DYNC1I1: variants seen among roughly 807,000 people sequenced by gnomAD.
The protein encoded by DYNC1I1 is dynein cytoplasmic 1 intermediate chain 1, also known as cytoplasmic dynein 1 intermediate chain 1.
A neutral mutation model predicts 86.6 loss-of-function variants in DYNC1I1; 43 were observed. The observed-to-expected ratio is 0.50, with a 90% CI of 0.39 to 0.64. The LOEUF is 0.64. Ranked by LOEUF, DYNC1I1 falls within the 30% of genes least tolerant of loss-of-function variation. The probability of loss-of-function intolerance (pLI) is 0.00; values close to 1 mark genes in which losing one functional copy is unlikely to be tolerated. For synonymous variants in DYNC1I1, 262 were observed against 283.7 expected (o/e 0.92, Z 0.77); for missense variants, 604 against 788.8 (o/e 0.77, Z 2.81).
intron 9 of DYNC1I1, among the ~76,000 whole-genome samples, chr7:95,988,312 G>A (rs1465102707): frequency 1.3e-5 from 2 of 152,092 alleles, no homozygotes; most frequent in Non-Finnish European, 2.9e-5. Flanking sequence ...AAGAGGCAGA[G>A]GTTGCCACTG....
At chr7:96,082,279 G>A (rs1363524573) in intron 16 of DYNC1I1, among the ~76,000 whole-genome samples, 1 of 114,360 alleles carries the variant, frequency 8.7e-6, no homozygotes. Context: ...AAAGGAGAAT[G>A]TTAAAAAAAA....
At chr7:96,050,965 G>A (rs1489881245) in intron 14 of DYNC1I1, among the ~76,000 whole-genome samples, 2 of 152,076 alleles carry the variant, frequency 1.3e-5, no homozygotes, top group Non-Finnish European at 2.9e-5. Context: ...CTGTATCTTA[G>A]CACATTAAAT....
chr7:96,020,523 A>G (rs1264404766), intron 10 of DYNC1I1, among the ~76,000 whole-genome samples: 1 of 152,152 alleles, frequency 6.6e-6, no homozygotes, highest in Non-Finnish European at 1.5e-5. Context: ...CCCTCCCACA[A>G]CACGTGGAAA....
chr7:96,093,909 A>G (rs1309057994), intron 16 of DYNC1I1, among the ~76,000 whole-genome samples: 1 of 152,160 alleles, frequency 6.6e-6, no homozygotes, highest in African/African-American at 2.4e-5. Flanking sequence ...CCATAGTGAT[A>G]CTCTAGATTT....
intron 7 of DYNC1I1, among the ~76,000 whole-genome samples, chr7:95,983,100 T>C (rs926575298): frequency 6.6e-6 from 1 of 152,160 alleles, no homozygotes; most frequent in Admixed American, 6.6e-5. Context: ...CAGGTTGGTG[T>C]CGTAGAGTTC....
intron 14 of DYNC1I1, among the ~76,000 whole-genome samples, chr7:96,051,810 G>C (rs866028836): frequency 1.4e-4 from 22 of 152,098 alleles, no homozygotes; most frequent in African/African-American, 5.1e-4. Context: ...TACTAGAAAA[G>C]AATAATTTGA....
intron 6 of DYNC1I1, among the ~76,000 whole-genome samples, chr7:95,974,553 C>T (rs1793255621): frequency 6.6e-6 from 1 of 152,252 alleles, no homozygotes; most frequent in African/African-American, 2.4e-5. Context: ...CAGGGGCCAG[C>T]AAGTGGTGGA....
At chr7:96,052,203 A>G (rs910368020) in intron 14 of DYNC1I1, among the ~76,000 whole-genome samples, 1 of 152,212 alleles carries the variant, frequency 6.6e-6, no homozygotes, top group Non-Finnish European at 1.5e-5. Flanking sequence ...TTTAGTTAGC[A>G]GTAGTTTTGA....
At chr7:96,080,712 G>A (rs1790489469) in intron 16 of DYNC1I1, among the ~76,000 whole-genome samples, 1 of 152,106 alleles carries the variant, frequency 6.6e-6, no homozygotes, top group Admixed American at 6.5e-5. Context: ...GCTCCTTTTA[G>A]AGTCCTGTAG....
chr7:95,895,494 C>T (rs1044996804), intron 6 of DYNC1I1, among the ~76,000 whole-genome samples: 9 of 152,150 alleles, frequency 5.9e-5, no homozygotes, highest in Non-Finnish European at 1.3e-4. Context: ...CACTATACTC[C>T]TCATCTCAAG....
At chr7:95,964,680 T>C (rs1792962605) in intron 6 of DYNC1I1, among the ~76,000 whole-genome samples, 1 of 152,118 alleles carries the variant, frequency 6.6e-6, no homozygotes, top group African/African-American at 2.4e-5. Context: ...GGTCAGATAG[T>C]AGTCAGTACT....
intron 6 of DYNC1I1, among the ~76,000 whole-genome samples, chr7:95,893,661 T>G (rs141923266): frequency 1.1e-3 from 173 of 152,278 alleles, no homozygotes; most frequent in African/African-American, 3.9e-3. Flanking sequence ...AGTGTACAGA[T>G]TTAGGTATCA....
At chr7:96,084,155 T>C (rs778032519) in intron 16 of DYNC1I1, among the ~76,000 whole-genome samples, 5 of 152,024 alleles carry the variant, frequency 3.3e-5, no homozygotes, top group Non-Finnish European at 7.4e-5. Flanking sequence ...TGCAATTGCA[T>C]AGGGCACCGT....
At chr7:95,897,517 G>C (rs10237719) in intron 6 of DYNC1I1, among the ~76,000 whole-genome samples, 158 of 151,848 alleles carry the variant, frequency 1.0e-3, no homozygotes, top group African/African-American at 3.6e-3. Context: ...TAAAGAGAAA[G>C]AGCCTATTCA....
intron 5 of DYNC1I1, among the ~76,000 whole-genome samples, chr7:95,828,317 G>T (rs561622826): frequency 6.6e-6 from 1 of 152,124 alleles, no homozygotes; most frequent in Admixed American, 6.5e-5. Context: ...GATGGCTTTT[G>T]ATTTCTCCTT....
At chr7:96,103,247 G>T (rs1791163267), downstream of DYNC1I1, among the ~76,000 whole-genome samples, 1 of 152,178 alleles carries the variant, frequency 6.6e-6, no homozygotes, top group Non-Finnish European at 1.5e-5. Context: ...ATTACAGCTA[G>T]CTACTTTATA....
At chr7:96,035,893 A>G in intron 13 of DYNC1I1, 141 bp downstream of exon 13, 1 of 1,357,794 alleles carries the variant, frequency 7.4e-7, no homozygotes, top group African/African-American at 1.5e-5. Flanking sequence ...TCATTATCTT[A>G]AAGAGCTGCA....
rs35181190 is a variant in DYNC1I1 at position 95,947,980 on chromosome 7, C to CTTTTTTTTTTTT, written c.491-29523_491-29512dup. Among the ~76,000 whole-genome samples, 5 of 106,850 alleles carry CTTTTTTTTTTTT rather than the reference C, an allele frequency of 4.7e-5. 1 individual carries two copies. Among genetic ancestry groups the CTTTTTTTTTTTT allele is most frequent in the Non-Finnish European group, 9.2e-5 (5 of 54,180 alleles). The allele number at this position is 106,850 out of a possible 152,430, so 70.1% of individuals were successfully genotyped here. A position where few individuals can be genotyped will look rare whatever the true frequency, so the allele number is the denominator to read the frequency against. On this transcript the variant is annotated intron_variant, in intron 6 of 16. Transcript: ENST00000447467. ...TCAAAAACCAGGTCTTTGTATGTGG[C>CTTTTTTTTTTTT]TTTTTTTTTTTTTTTTTTTTGGTAG...
chr7:95,980,120 A>G (rs1240473035), intron 7 of DYNC1I1, among the ~76,000 whole-genome samples: 5 of 152,090 alleles, frequency 3.3e-5, no homozygotes, highest in Non-Finnish European at 7.4e-5. Context: ...AAGCGAAAAC[A>G]CCCTTCAGTT....
Sources: allele counts gnomAD v4.1 joint callset (sites outside exome capture counted in the v4.1 genomes callset), GRCh38; gene constraint gnomAD v4.1.1; transcripts MANE v1.5; gene names NCBI Gene and HGNC (gene_info 2026-07-23, HGNC 2026-07-21).